GPR158: variants seen among roughly 807,000 people sequenced by gnomAD.
GPR158 encodes G protein-coupled receptor 158.
GPR158 carries 30 observed loss-of-function variants against 78.2 expected under a neutral mutation model. The ratio of observed to expected loss-of-function variants is 0.38; its 90% CI spans 0.29 to 0.52. The LOEUF is 0.52. GPR158 is among the 20% of genes least tolerant of loss of function. The pLI is 0.83. For missense variants in GPR158, 1,463 were observed against 1,523.5 expected, an observed-to-expected ratio of 0.96 and a Z score of 0.66; for synonymous variants, 581 against 591.1, an observed-to-expected ratio of 0.98 and a Z score of 0.25.
intron 5 of GPR158, among the ~76,000 whole-genome samples, chr10:25,475,033 A>C (rs1835563835): frequency 6.6e-6 from 1 of 152,184 alleles, no homozygotes; most frequent in Non-Finnish European, 1.5e-5. Context: ...CTGTAGAAGA[A>C]TTGTAAAGCT....
chr10:25,556,255 G>T (rs1300635231), intron 6 of GPR158, among the ~76,000 whole-genome samples: 1 of 152,230 alleles, frequency 6.6e-6, no homozygotes, highest in East Asian at 1.9e-4. Context: ...TAATAAAAGT[G>T]TTCTTCCATT....
rs1293911390 is a variant in GPR158, at chr10:25,598,421, A to G, written c.2795A>G (p.Gln932Arg). The change falls in exon 11 of 11, where the codon CAG becomes CGG. Residue 932 changes from glutamine (Q) to arginine (R), a missense_variant. Gln to Arg is a conservative substitution (Grantham distance 43). Coordinates refer to ENST00000376351, the MANE Select transcript of GPR158 (RefSeq NM_020752.3). ...GGTGTGGAAGAACGCACTAAATCCC[A>G]GAAACCTTTGCCAAAAGATAAAGAG... Reference protein sequence around the residue: ...TAGVEERTKSQKPLPKDKETN... With the variant: ...TAGVEERTKSRKPLPKDKETN... The G allele has an allele frequency of 2.5e-6, 4 of 1,614,014 alleles. No individual in the cohort carries two copies. The highest frequency in any genetic ancestry group is 3.4e-6 in the Non-Finnish European group (4 of 1,180,026).
At chr10:25,321,130 C>T (rs1854941822) in intron 2 of GPR158, among the ~76,000 whole-genome samples, 1 of 152,102 alleles carries the variant, frequency 6.6e-6, no homozygotes, top group Non-Finnish European at 1.5e-5. Flanking sequence ...TCCTCAATTG[C>T]AAAATTAGAA....
chr10:25,469,781 C>G (rs865821064), intron 5 of GPR158, among the ~76,000 whole-genome samples: 4 of 54,542 alleles, frequency 7.3e-5, no homozygotes, highest in Admixed American at 5.4e-4. Flanking sequence ...GAGACTCCAT[C>G]TCAAAAAAAA....
intron 2 of GPR158, among the ~76,000 whole-genome samples, chr10:25,365,355 G>A (rs1364760593): frequency 1.3e-5 from 2 of 151,678 alleles, no homozygotes; most frequent in Non-Finnish European, 3.0e-5. Context: ...CGTTTAGTAG[G>A]CAGTCTAGTT....
intron 2 of GPR158, among the ~76,000 whole-genome samples, chr10:25,375,465 T>TC (rs1834064628): frequency 1.2e-5 from 1 of 81,624 alleles, no homozygotes; most frequent in African/African-American, 3.9e-5. Context: ...AATGTTTTTC[T>TC]CTTTTTTTTC....
intron 2 of GPR158, among the ~76,000 whole-genome samples, chr10:25,359,409 G>T (rs1855598545): frequency 6.6e-6 from 1 of 151,728 alleles, no homozygotes; most frequent in Non-Finnish European, 1.5e-5. Flanking sequence ...CCCTCCCTTA[G>T]CCCCCCAACC....
At position 25,345,011 on chromosome 10, in the gene GPR158, T is replaced by A. The variant is rs142431074; in HGVS notation, c.1009-50900T>A. Among the ~76,000 whole-genome samples, 27 of 152,074 alleles carry A rather than the reference T, an allele frequency of 1.8e-4. No homozygotes were observed. The South Asian group carries it at 2.9e-3, about 16-fold the overall frequency. On this transcript the variant is annotated intron_variant, in intron 2 of 10. Coordinates refer to ENST00000376351, the MANE Select transcript of GPR158 (RefSeq NM_020752.3). ...TGAGGGCTCTGCCTTTATGACTTAA[T>A]CACCTTCCAAAGATCTCACCTCCTA...
chr10:25,248,252 C>T (rs1414061793), intron 2 of GPR158, among the ~76,000 whole-genome samples: 4 of 151,880 alleles, frequency 2.6e-5, no homozygotes, highest in African/African-American at 9.7e-5. Flanking sequence ...AAAATTTTCT[C>T]CCATTTTGTA....
intron 1 of GPR158, among the ~76,000 whole-genome samples, chr10:25,188,578 A>C (rs1429273562): frequency 6.6e-6 from 1 of 152,248 alleles, no homozygotes; most frequent in African/African-American, 2.4e-5. Flanking sequence ...CTGGCTAGCC[A>C]TACATAGAAA....
At chr10:25,177,615 C>G (rs1466816810) in intron 1 of GPR158, among the ~76,000 whole-genome samples, 1 of 152,176 alleles carries the variant, frequency 6.6e-6, no homozygotes, top group Non-Finnish European at 1.5e-5. Context: ...GCTGAATGAC[C>G]TCAACCAAGT....
At chr10:25,579,834 C>A (rs1837163953) in intron 7 of GPR158, among the ~76,000 whole-genome samples, 2 of 142,648 alleles carry the variant, frequency 1.4e-5, no homozygotes, top group African/African-American at 2.4e-5. Context: ...CCTCCTGGCA[C>A]AATATATCCA....
At chr10:25,533,741 T>G (rs988773745) in intron 5 of GPR158, among the ~76,000 whole-genome samples, 8 of 152,172 alleles carry the variant, frequency 5.3e-5, no homozygotes, top group Non-Finnish European at 1.2e-4. Context: ...CCAGCCTCCA[T>G]CAAAGATCAC....
At chr10:25,287,438 G>A (rs888630279) in intron 2 of GPR158, among the ~76,000 whole-genome samples, 3 of 152,038 alleles carry the variant, frequency 2.0e-5, no homozygotes, top group African/African-American at 7.2e-5. Flanking sequence ...CTTGAAGGAT[G>A]CTATCTTAGG....
chr10:25,295,989 G>C (rs1294946545), intron 2 of GPR158, among the ~76,000 whole-genome samples: 1 of 150,116 alleles, frequency 6.7e-6, no homozygotes, highest in Non-Finnish European at 1.5e-5. Context: ...TCTTGTGAAA[G>C]TCATTTATTG....
intron 5 of GPR158, among the ~76,000 whole-genome samples, chr10:25,549,462 CTTT>C (rs34318456): frequency 6.7e-6 from 1 of 150,076 alleles, no homozygotes; most frequent in Non-Finnish European, 1.5e-5. Context: ...CAGGTTTTTA[CTTT>C]TTTTTTTCCT....
intron 4 of GPR158, among the ~76,000 whole-genome samples, chr10:25,454,877 G>C (rs929326878): frequency 6.6e-6 from 1 of 152,004 alleles, no homozygotes; most frequent in African/African-American, 2.4e-5. Flanking sequence ...TTCTCCCCTT[G>C]AATATGCATC....
At chr10:25,338,542 TACG>T (rs1322473707) in intron 2 of GPR158, among the ~76,000 whole-genome samples, 13 of 145,262 alleles carry the variant, frequency 8.9e-5, no homozygotes, top group South Asian at 2.1e-4. Flanking sequence ...ATATTATATA[TACG>T]TAATATATAA....
At chr10:25,465,852 C>T (rs1620326) in intron 4 of GPR158, among the ~76,000 whole-genome samples, 72,245 of 151,982 alleles carry the variant, frequency 0.48, 18,287 homozygotes, top group East Asian at 0.8. Context: ...TTGTAAATTT[C>T]GTGGATTGAA....
Sources: gnomAD v4.1 joint callset for allele counts (sites outside exome capture counted in the v4.1 genomes callset) on GRCh38, gnomAD v4.1.1 for gene constraint, MANE v1.5 for transcripts, NCBI Gene and HGNC (gene_info 2026-07-23, HGNC 2026-07-21) for gene names.